The following MYH15 variants were observed in gnomAD, a reference collection of about 807,000 sequenced individuals.
MYH15 encodes myosin-15.
A neutral mutation model predicts 240.5 loss-of-function variants in MYH15; 227 were observed. That is an observed-to-expected ratio of 0.94 (90% CI 0.85 to 1.05). MYH15 has a LOEUF of 1.05. Ranked by LOEUF, MYH15 falls within the 50% of genes least tolerant of loss-of-function variation. MYH15 has a pLI of 0.00. For missense variants in MYH15, 2,217 were observed against 2,247.5 expected (o/e 0.99, Z 0.27); for synonymous variants, 785 against 796.7 (o/e 0.99, Z 0.25).
upstream of MYH15, among the ~76,000 whole-genome samples, chr3:108,513,981 G>A (rs918059552): frequency 2.6e-5 from 4 of 152,154 alleles, no homozygotes; most frequent in African/African-American, 7.2e-5. Flanking sequence ...ATATTGATAC[G>A]GCACAATTTC....
chr3:108,479,240 G>A (rs2083245998), intron 11 of MYH15, among the ~76,000 whole-genome samples: 3 of 152,268 alleles, frequency 2.0e-5, no homozygotes, highest in African/African-American at 7.2e-5. Flanking sequence ...CCACCCATAA[G>A]CATCAGTTCC....
chr3:108,470,285 A>G, intron 13 of MYH15, 73 bp from the exon 14 acceptor site: 1 of 1,104,090 alleles, frequency 9.1e-7, no homozygotes, highest in South Asian at 1.6e-5. Context: ...ATGTCCAGTA[A>G]AGAAAAAACC....
intron 37 of MYH15, among the ~76,000 whole-genome samples, chr3:108,390,836 A>T (rs1212858126): frequency 1.3e-5 from 2 of 152,134 alleles, no homozygotes; most frequent in Non-Finnish European, 2.9e-5. Context: ...GATTTATATG[A>T]TTTTCCAATC....
At chr3:108,482,969 T>C (rs899161883) in intron 11 of MYH15, among the ~76,000 whole-genome samples, 10 of 151,800 alleles carry the variant, frequency 6.6e-5, no homozygotes, top group African/African-American at 2.4e-4. Context: ...CCGAGGTGGG[T>C]AGATCACTTA....
chr3:108,398,454 GT>G (rs1270639689), intron 35 of MYH15, among the ~76,000 whole-genome samples, 182 bp downstream of exon 35: 12 of 152,176 alleles, frequency 7.9e-5, no homozygotes, highest in Non-Finnish European at 1.8e-4. Flanking sequence ...GTGGTACTTT[GT>G]TATGGCGGCC....
intron 21 of MYH15, among the ~76,000 whole-genome samples, chr3:108,449,858 T>C (rs1014018461): frequency 1.3e-5 from 2 of 151,932 alleles, no homozygotes; most frequent in Non-Finnish European, 2.9e-5. Flanking sequence ...TCAAAATTTA[T>C]TAGGAATTCA....
At chr3:108,498,939 C>A (rs1268172699) in intron 5 of MYH15, among the ~76,000 whole-genome samples, 1 of 152,230 alleles carries the variant, frequency 6.6e-6, no homozygotes, top group Non-Finnish European at 1.5e-5. Flanking sequence ...CATCAAAATT[C>A]ACATACAATA....
At chr3:108,469,801 C>A (rs1339095338) in intron 14 of MYH15, among the ~76,000 whole-genome samples, 1 of 152,214 alleles carries the variant, frequency 6.6e-6, no homozygotes, top group Non-Finnish European at 1.5e-5. Context: ...GGAGGCCATG[C>A]ATTAGCATCA....
chr3:108,395,905 T>A (rs1005867938), intron 35 of MYH15, among the ~76,000 whole-genome samples: 1 of 152,144 alleles, frequency 6.6e-6, no homozygotes, highest in Non-Finnish European at 1.5e-5. Context: ...GTGAATAATA[T>A]CACCTAGACC....
chr3:108,513,425 C>T (rs968679855), upstream of MYH15, among the ~76,000 whole-genome samples: 19 of 152,130 alleles, frequency 1.2e-4, no homozygotes, highest in Non-Finnish European at 1.8e-4. Flanking sequence ...ATAGGGCAGA[C>T]GGGCTGCATG....
At chr3:108,439,619 A>G in intron 24 of MYH15, 118 bp downstream of exon 24, 1 of 939,874 alleles carries the variant, frequency 1.1e-6, no homozygotes, top group Non-Finnish European at 1.5e-6. Flanking sequence ...AATAATCAGG[A>G]AAACAAACTA....
upstream of MYH15, among the ~76,000 whole-genome samples, chr3:108,530,977 G>A (rs960808831): frequency 1.3e-5 from 2 of 152,176 alleles, no homozygotes; most frequent in African/African-American, 2.4e-5. Context: ...TTCAAGATGA[G>A]CGCTATCATG....
At chr3:108,438,356 T>C (rs980995137) in intron 24 of MYH15, among the ~76,000 whole-genome samples, 4 of 152,212 alleles carry the variant, frequency 2.6e-5, no homozygotes. Flanking sequence ...CCAGGAATTA[T>C]ATAGAGGTTA....
chr3:108,501,670 G>C (rs748208977), intron 3 of MYH15, 42 bp downstream of exon 3: 1 of 1,610,800 alleles, frequency 6.2e-7, no homozygotes, highest in South Asian at 1.1e-5. Context: ...CATGCAATGT[G>C]ACTGCCAACA....
rs562083166 is a variant in MYH15, at chr3:108,413,549, G to C, written c.4145+683C>G. On this transcript the variant is annotated intron_variant, in intron 30 of 40. Transcript: ENST00000693548. ...CTGGGGTTTGACAATTTCTCTTAAA[G>C]GTACAGTTTCCTGGCCTCTAAGCAA... 2.0e-5 allele frequency among the ~76,000 whole-genome samples: 3 copies of C among 152,270 alleles called. No homozygotes were observed. In the South Asian group the frequency reaches 6.2e-4, roughly 32 times the overall value.
chr3:108,473,168 C>T (rs1209503801), intron 12 of MYH15, among the ~76,000 whole-genome samples: 7 of 152,096 alleles, frequency 4.6e-5, no homozygotes, highest in East Asian at 1.9e-4. Flanking sequence ...CCACAATGCC[C>T]GGCTAATTTT....
chr3:108,444,788 T>A lies in MYH15; in HGVS notation c.2507A>T (p.Glu836Val), dbSNP rs2082913799. 6.2e-7 allele frequency: 1 copy of A among 1,614,074 alleles called. No homozygotes were observed. The highest frequency in any genetic ancestry group is 2.2e-5 in the East Asian group (1 of 44,866). ...FKIKPLVKSS[E>V]VGEEVAGLKE... ...CAGTCCAGCTACTTCTTCTCCTACT[T>A]CTGAAGATTTAACAAGAGGCTTGAT... The change falls in exon 22 of 41, where the codon GAA (glutamate) becomes GTA (valine). Residue 836 changes from glutamate to valine, a missense_variant. Physicochemically the swap from Glu to Val is moderately radical, Grantham distance 121. Transcript: ENST00000693548.
intron 12 of MYH15, among the ~76,000 whole-genome samples, chr3:108,471,566 C>T (rs546055647): frequency 1.3e-5 from 2 of 152,224 alleles, no homozygotes; most frequent in African/African-American, 4.8e-5. Context: ...TTCCTTATCC[C>T]TCACCTTTGA....
At chr3:108,392,088 G>A (rs993468613) in intron 36 of MYH15, among the ~76,000 whole-genome samples, 158 bp from the exon 37 acceptor site, 8 of 152,058 alleles carry the variant, frequency 5.3e-5, no homozygotes, top group Non-Finnish European at 8.8e-5. Flanking sequence ...TACCACCCTC[G>A]AGTTTGTTAA....
Sources: allele counts gnomAD v4.1 joint callset (sites outside exome capture counted in the v4.1 genomes callset), GRCh38; gene constraint gnomAD v4.1.1; transcripts MANE v1.5; gene names NCBI Gene and HGNC (gene_info 2026-07-23, HGNC 2026-07-21).